ERC1: variants seen among roughly 807,000 people sequenced by gnomAD.
ERC1 encodes RAB6 interacting protein 2.
ERC1 carries 56 observed loss-of-function variants against 132.0 expected under a neutral mutation model. The ratio of observed to expected loss-of-function variants is 0.42; its 90% CI spans 0.34 to 0.53. The LOEUF is 0.53. ERC1 is among the 20% of genes least tolerant of loss of function. The pLI is 0.03. For synonymous variants in ERC1, 478 were observed against 476.1 expected (o/e 1.00, Z -0.05); for missense variants, 1,202 against 1,349.9 (o/e 0.89, Z 1.72).
rs148510463 is a variant in ERC1 at position 1,454,906 on chromosome 12, A to G, written c.3213+10156A>G. 3.3e-4 allele frequency among the ~76,000 whole-genome samples: 51 copies of G among 152,332 alleles called. No homozygotes were observed. In the East Asian group the frequency reaches 6.7e-3, roughly 20 times the overall value. On this transcript the variant is annotated intron_variant, in intron 18 of 18. Transcript: ENST00000360905. The stretch of plus-strand genomic sequence containing the variant: ...AGGCCCTCTAGTCATTTGATAATAG[A>G]AGAAAACATATTCTTGACATTTTTC...
chr12:1,083,632 C>CTGAT, intron 3 of ERC1, 52 bp downstream of exon 3: 1 of 1,392,048 alleles, frequency 7.2e-7, no homozygotes, highest in Non-Finnish European at 9.8e-7. Context: ...TTTTTTTTCA[C>CTGAT]TGATTAATCA....
At chr12:1,243,374 G>A (rs1489406129) in intron 13 of ERC1, among the ~76,000 whole-genome samples, 1 of 150,320 alleles carries the variant, frequency 6.7e-6, no homozygotes, top group Admixed American at 6.6e-5. Context: ...GTGCTATGTA[G>A]GGATGTAATG....
Position 1,344,021 on chromosome 12 carries a change from T to C in ERC1, c.2781-27812T>C, listed in dbSNP as rs148574944. Among the ~76,000 whole-genome samples, 549 of 152,268 alleles carry C rather than the reference T, an allele frequency of 3.6e-3. 4 individuals carry two copies. Among genetic ancestry groups the C allele is most frequent in the African/African-American group, 0.012 (518 of 41,560 alleles). On this transcript the variant is annotated intron_variant, in intron 15 of 18. Transcript: ENST00000360905. ...TGCACCCGGCTAATTTTTTGTATTTTTAGTAGAGACGGGGTTTCACCGTGT... is the reference window on the plus strand; with the variant it reads ...TGCACCCGGCTAATTTTTTGTATTTCTAGTAGAGACGGGGTTTCACCGTGT...
intron 15 of ERC1, among the ~76,000 whole-genome samples, chr12:1,353,028 C>CTTTTTTT (rs547540688): frequency 2.4e-5 from 3 of 123,006 alleles, no homozygotes; most frequent in Admixed American, 8.2e-5. Context: ...CTTTTCTTTT[C>CTTTTTTT]TTTTTTTTTT....
intron 7 of ERC1, among the ~76,000 whole-genome samples, chr12:1,130,031 C>T (rs1295688144): frequency 6.6e-6 from 1 of 152,188 alleles, no homozygotes; most frequent in East Asian, 1.9e-4. Context: ...GTTGCTTCTC[C>T]TTGTTGGTAT....
At chr12:999,447 G>A (rs985617093) in intron 1 of ERC1, among the ~76,000 whole-genome samples, 2 of 151,962 alleles carry the variant, frequency 1.3e-5, no homozygotes, top group Non-Finnish European at 2.9e-5. Context: ...TGCTTAAGCC[G>A]GAAATGTGTG....
intron 7 of ERC1, among the ~76,000 whole-genome samples, chr12:1,123,013 A>G (rs1947753654): frequency 6.6e-6 from 1 of 152,180 alleles, no homozygotes; most frequent in Non-Finnish European, 1.5e-5. Context: ...GCTTCCTGCC[A>G]CAACCACTCC....
chr12:1,011,942 GA>G (rs574824910), intron 1 of ERC1, among the ~76,000 whole-genome samples: 345 of 140,600 alleles, frequency 2.5e-3, no homozygotes, highest in African/African-American at 7.2e-3. Context: ...GTGAGACTCT[GA>G]AAAAAAAAAA....
chr12:1,264,612 C>T (rs1333546841), intron 14 of ERC1, among the ~76,000 whole-genome samples: 38 of 151,766 alleles, frequency 2.5e-4, no homozygotes, highest in African/African-American at 8.7e-4. Context: ...TGCAGTGAGC[C>T]GAGATCGCAC....
At chr12:1,112,556 G>A (rs1946007735) in intron 6 of ERC1, among the ~76,000 whole-genome samples, 1 of 152,186 alleles carries the variant, frequency 6.6e-6, no homozygotes, top group Non-Finnish European at 1.5e-5. Context: ...TTGTCACTCT[G>A]TGGATGGTAT....
intron 8 of ERC1, among the ~76,000 whole-genome samples, chr12:1,159,081 A>C (rs1566109444): frequency 1.3e-5 from 2 of 152,230 alleles, no homozygotes; most frequent in Non-Finnish European, 2.9e-5. Flanking sequence ...ACATATGGCA[A>C]ATAAATATGA....
intron 15 of ERC1, 32 bp from the exon 16 acceptor site, chr12:1,371,801 A>G: frequency 3.1e-6 from 5 of 1,606,490 alleles, no homozygotes; most frequent in African/African-American, 1.3e-5. Context: ...GAAGGGGTGA[A>G]TGGCGCTGTT....
chr12:1,042,801 G>C (rs1387956048), intron 2 of ERC1, among the ~76,000 whole-genome samples: 2 of 151,940 alleles, frequency 1.3e-5, no homozygotes, highest in Non-Finnish European at 2.9e-5. Flanking sequence ...ATGTTCTTTT[G>C]ATTATCTTTC....
At chr12:1,027,291 G>C (rs1014786291) in intron 1 of ERC1, 1 of 152,196 alleles carries the variant, frequency 6.6e-6, no homozygotes, top group African/African-American at 2.4e-5. Flanking sequence ...CTTGTCAGTT[G>C]ATTATCTTGG....
intron 7 of ERC1, among the ~76,000 whole-genome samples, chr12:1,124,786 C>T (rs1947965070): frequency 6.6e-6 from 1 of 151,856 alleles, no homozygotes; most frequent in South Asian, 2.1e-4. Context: ...TAATATAAGA[C>T]AACTCTAAAC....
At chr12:1,421,861 CAAA>C (rs58514480) in intron 17 of ERC1, among the ~76,000 whole-genome samples, 1 of 128,064 alleles carries the variant, frequency 7.8e-6, no homozygotes, top group Non-Finnish European at 1.7e-5. Context: ...ACTAAAAATA[CAAA>C]AAAAAAAAAA....
At chr12:1,040,956 TC>T (rs1333105874) in intron 2 of ERC1, among the ~76,000 whole-genome samples, 1 of 152,170 alleles carries the variant, frequency 6.6e-6, no homozygotes, top group Non-Finnish European at 1.5e-5. Context: ...TCTTAAATGA[TC>T]CTCAGATACT....
intron 17 of ERC1, among the ~76,000 whole-genome samples, chr12:1,442,819 G>T (rs981756122): frequency 3.9e-5 from 6 of 152,222 alleles, no homozygotes; most frequent in African/African-American, 1.4e-4. Context: ...AAAATGTGAG[G>T]TGTGATACTG....
intron 2 of ERC1, among the ~76,000 whole-genome samples, chr12:1,046,058 C>G (rs1422932978): frequency 6.6e-6 from 1 of 151,908 alleles, no homozygotes; most frequent in Admixed American, 6.6e-5. Flanking sequence ...ATTTTGCACA[C>G]TAGCAAAATA....
Sources: gnomAD v4.1 joint callset for allele counts (sites outside exome capture counted in the v4.1 genomes callset) on GRCh38, gnomAD v4.1.1 for gene constraint, MANE v1.5 for transcripts, NCBI Gene and HGNC (gene_info 2026-07-23, HGNC 2026-07-21) for gene names.